Variants in TSNARE1 observed in about 807,000 individuals in gnomAD.
TSNARE1 encodes t-SNARE domain containing 1.
A neutral mutation model predicts 62.0 loss-of-function variants in TSNARE1; 49 were observed. The ratio of observed to expected loss-of-function variants is 0.79; its 90% CI spans 0.63 to 1.00. The LOEUF is 1.00. Among genes scored for constraint, TSNARE1 ranks in the 50% least tolerant of loss-of-function variants. The pLI, the probability that TSNARE1 is intolerant of heterozygous loss-of-function variation, is 0.00. For missense variants in TSNARE1, 755 were observed against 700.1 expected, an observed-to-expected ratio of 1.08 and a Z score of -0.88; for synonymous variants, 328 against 294.4, an observed-to-expected ratio of 1.11 and a Z score of -1.17.
At chr8:142,330,767 CAT>C (rs1187763041) in intron 6 of TSNARE1, 132 bp downstream of exon 6, 12 of 835,424 alleles carry the variant, frequency 1.4e-5, no homozygotes, top group Admixed American at 2.1e-5. Flanking sequence ...TATGTGCGCA[CAT>C]GTGTGTCCAG....
At chr8:142,276,439 C>T (rs1820508880) in intron 11 of TSNARE1, 8 of 985,352 alleles carry the variant, frequency 8.1e-6, no homozygotes, top group Non-Finnish European at 9.6e-6. Flanking sequence ...CCGGGCAATG[C>T]CCCGCTCACG....
rs545497122 is a variant in TSNARE1, at chr8:142,265,019, T to C, written c.1446+9762A>G. On this transcript the variant is annotated intron_variant, in intron 12 of 13. Coordinates refer to ENST00000524325, the MANE Select transcript of TSNARE1 (RefSeq NM_145003.5). ...TCTCCTTTCTATTCAACATAGGTTT[T>C]TGTTTAATTGTATTCTTATTCCATT... Among the ~76,000 whole-genome samples, 9 of 152,344 alleles carry C rather than the reference T, an allele frequency of 5.9e-5. No individual in the cohort carries two copies. The South Asian group carries it at 1.9e-3, about 32-fold the overall frequency.
intron 9 of TSNARE1, among the ~76,000 whole-genome samples, chr8:142,305,981 C>T (rs1274141467): frequency 6.6e-6 from 1 of 152,168 alleles, no homozygotes; most frequent in Admixed American, 6.5e-5. Context: ...CAGGGCTCTC[C>T]AAGGCTCTGG....
At chr8:142,300,783 G>GACGATCTGGGTCTGAGGC in intron 9 of TSNARE1, 139 bp from the exon 10 acceptor site, 1 of 1,092,546 alleles carries the variant, frequency 9.2e-7, no homozygotes, top group Non-Finnish European at 1.3e-6. Context: ...GGTCTGAGGC[G>GACGATCTGGGTCTGAGGC]GGGGCCTTCT....
intron 6 of TSNARE1, among the ~76,000 whole-genome samples, chr8:142,322,941 C>A (rs1829691904): frequency 6.6e-6 from 1 of 151,312 alleles, no homozygotes; most frequent in South Asian, 2.1e-4. Context: ...AAAGGCCGGC[C>A]TTACCGTGTC....
chr8:142,345,410 G>A (rs1405839651), intron 3 of TSNARE1, among the ~76,000 whole-genome samples: 1 of 152,166 alleles, frequency 6.6e-6, no homozygotes, highest in African/African-American at 2.4e-5. Context: ...ACCCCTCACC[G>A]GCCCACTGCA....
chr8:142,404,128 A>G (rs558361486), upstream of TSNARE1: 8 of 152,228 alleles, frequency 5.3e-5, no homozygotes, highest in East Asian at 1.6e-3. Flanking sequence ...TGCGAGGCCT[A>G]CGCCAAAGCC....
intron 2 of TSNARE1, among the ~76,000 whole-genome samples, chr8:142,349,718 C>G (rs1460925370): frequency 6.6e-6 from 1 of 152,250 alleles, no homozygotes; most frequent in Non-Finnish European, 1.5e-5. Context: ...GCAGCCACCA[C>G]TGGCCCTCAG....
chr8:142,277,102 CCA>C, intron 11 of TSNARE1: 1 of 985,350 alleles, frequency 1.0e-6, no homozygotes, highest in Non-Finnish European at 1.2e-6. Context: ...AGCCCTGGGC[CCA>C]GTGGCTTTGT....
chr8:142,359,882 C>G (rs2130851688), intron 1 of TSNARE1, among the ~76,000 whole-genome samples: 1 of 152,368 alleles, frequency 6.6e-6, no homozygotes, highest in South Asian at 2.1e-4. Flanking sequence ...CAGGAGCACA[C>G]TGCCAATCAC....
intron 13 of TSNARE1, among the ~76,000 whole-genome samples, chr8:142,227,673 C>G (rs1421642101): frequency 6.6e-6 from 1 of 152,250 alleles, no homozygotes; most frequent in Non-Finnish European, 1.5e-5. Context: ...CACACAGAAG[C>G]CCTGCTGTTG....
intron 13 of TSNARE1, among the ~76,000 whole-genome samples, chr8:142,221,821 T>C (rs111691093): frequency 2.2e-5 from 1 of 45,474 alleles, no homozygotes; most frequent in African/African-American, 7.2e-5. Flanking sequence ...ACTCACTCAT[T>C]CACTCACTCA....
At chr8:142,243,100 A>G (rs1358067920) in intron 12 of TSNARE1, among the ~76,000 whole-genome samples, 1 of 152,172 alleles carries the variant, frequency 6.6e-6, no homozygotes, top group Admixed American at 6.5e-5. Context: ...TACATATAAG[A>G]TCAATGTTGG....
intron 10 of TSNARE1, among the ~76,000 whole-genome samples, chr8:142,288,082 C>T (rs1823071573): frequency 1.3e-5 from 2 of 152,260 alleles, no homozygotes; most frequent in Non-Finnish European, 2.9e-5. Context: ...CTGCTGTGTC[C>T]CTGGGGGGAA....
chr8:142,365,130 C>A (rs1424776705), intron 1 of TSNARE1, among the ~76,000 whole-genome samples: 1 of 152,174 alleles, frequency 6.6e-6, no homozygotes, highest in East Asian at 1.9e-4. Context: ...GCATCATCAG[C>A]CATGGGACAA....
chr8:142,384,258 T>C (rs1310431599), intron 1 of TSNARE1, among the ~76,000 whole-genome samples: 1 of 152,202 alleles, frequency 6.6e-6, no homozygotes, highest in African/African-American at 2.4e-5. Flanking sequence ...AAAGCTACTG[T>C]ATCCCCTACA....
At chr8:142,223,810 TC>T (rs1213683336) in intron 13 of TSNARE1, among the ~76,000 whole-genome samples, 1 of 152,142 alleles carries the variant, frequency 6.6e-6, no homozygotes. Flanking sequence ...AGTGGGGAGA[TC>T]ATGGATAAGG....
intron 12 of TSNARE1, among the ~76,000 whole-genome samples, chr8:142,245,206 A>G (rs1817837325): frequency 6.6e-6 from 1 of 152,236 alleles, no homozygotes; most frequent in African/African-American, 2.4e-5. Context: ...GAGCGGATTG[A>G]GAGGAGCTCG....
In TSNARE1 at chr8:142,395,266, G is replaced by A. The variant is rs182075474; in HGVS notation, c.-40+7838C>T. Among the ~76,000 whole-genome samples the A allele has an allele frequency of 2.9e-3, 449 of 152,220 alleles. 4 individuals are homozygous for A. Among genetic ancestry groups the A allele is most frequent in the Admixed American group, 7.6e-3 (116 of 15,300 alleles). On this transcript the variant is annotated intron_variant, in intron 1 of 13. Transcript: ENST00000524325. The stretch of plus-strand genomic sequence containing the variant: ...TGCAATGCAACAAGGCCCAAGCCAC[G>A]CAGAGCCACTTCCCAAAATCTGCAG...
Sources: gnomAD v4.1 joint callset for allele counts (sites outside exome capture counted in the v4.1 genomes callset) on GRCh38, gnomAD v4.1.1 for gene constraint, MANE v1.5 for transcripts, NCBI Gene and HGNC (gene_info 2026-07-23, HGNC 2026-07-21) for gene names.